STIM1: variants seen among roughly 807,000 people sequenced by gnomAD.
The protein encoded by STIM1 is stromal interaction molecule 1.
Under a neutral mutation model 74.7 loss-of-function variants are expected in STIM1, and 25 were observed. The observed-to-expected ratio is 0.33, with a 90% confidence interval of 0.24 to 0.47. The LOEUF (loss-of-function observed/expected upper bound fraction) is 0.47, where lower values mean the gene tolerates loss of function less well. STIM1 is among the 20% of genes least tolerant of loss of function. STIM1 has a pLI of 1.00. For missense variants in STIM1, 728 were observed against 920.8 expected (o/e 0.79, Z 2.71); for synonymous variants, 328 against 348.8 (o/e 0.94, Z 0.66).
At chr11:3,974,160 G>C in intron 2 of STIM1, 1 of 594,566 alleles carries the variant, frequency 1.7e-6, no homozygotes, top group South Asian at 2.0e-5. Context: ...ACCCTCACTG[G>C]TCATTTCAAA....
intron 2 of STIM1, chr11:3,973,821 T>G (rs1186533343): frequency 2.7e-6 from 1 of 366,360 alleles, no homozygotes; most frequent in Non-Finnish European, 5.1e-6. Flanking sequence ...TCAAACGATC[T>G]TCCTGTCTCA....
In STIM1 at chr11:4,038,556, T is replaced by C. The variant is rs115469095; in HGVS notation, c.385+14569T>C. Among the ~76,000 whole-genome samples, 578 of 152,298 alleles carry C rather than the reference T, an allele frequency of 3.8e-3. 3 individuals are homozygous for C. The highest frequency in any genetic ancestry group is 0.013 in the African/African-American group (543 of 41,564). On this transcript the variant is annotated intron_variant, in intron 3 of 12. Transcript: ENST00000526596. ...TATAACTTCCCTCATTTGTTTCCTA[T>C]CTCTCAAGAGTCATTGTCCTTTGTA...
At chr11:4,074,406 G>T in intron 6 of STIM1, 96 bp from the exon 7 acceptor site, 1 of 1,418,352 alleles carries the variant, frequency 7.1e-7, no homozygotes, top group Non-Finnish European at 9.9e-7. Flanking sequence ...GCTGAGAGTT[G>T]GAGCTGTCAT....
chr11:4,085,403 G>C (rs940902428), intron 11 of STIM1, among the ~76,000 whole-genome samples: 1 of 152,326 alleles, frequency 6.6e-6, no homozygotes, highest in South Asian at 2.1e-4. Context: ...GAGCCCAAAG[G>C]GGGATGCACT....
rs186549118 is a variant in STIM1 at position 3,945,413 on chromosome 11, C to G, written c.140-22139C>G. Among the ~76,000 whole-genome samples the G allele has an allele frequency of 3.8e-3, 578 of 150,694 alleles. 3 individuals carry two copies. Among genetic ancestry groups the G allele is most frequent in the African/African-American group, 0.013 (543 of 40,978 alleles). On this transcript the variant is annotated intron_variant, in intron 1 of 12. Transcript: ENST00000526596. ...CCAACATGGTGAAACACAATCTTTA[C>G]TAAAAATAAAAAAATAAAAAAAAAA...
intron 7 of STIM1, 67 bp downstream of exon 7, chr11:4,074,746 C>T (rs1166943410): frequency 6.6e-7 from 1 of 1,508,814 alleles, no homozygotes; most frequent in African/African-American, 1.4e-5. Context: ...CAGGGTCTGG[C>T]TAGAAAGTTA....
At chr11:4,082,841 G>C in intron 8 of STIM1, 41 bp from the exon 9 acceptor site, 1 of 1,565,620 alleles carries the variant, frequency 6.4e-7, no homozygotes, top group South Asian at 1.1e-5. Flanking sequence ...TTCCATTCTC[G>C]AATCCCTGCT....
intron 2 of STIM1, among the ~76,000 whole-genome samples, chr11:4,022,644 C>G (rs1223183871): frequency 6.6e-6 from 1 of 152,098 alleles, no homozygotes; most frequent in Non-Finnish European, 1.5e-5. Flanking sequence ...TATATTCCTT[C>G]TATACCTAAT....
chr11:4,083,192 G>A, intron 9 of STIM1, 71 bp from the exon 10 acceptor site: 1 of 1,499,250 alleles, frequency 6.7e-7, no homozygotes, highest in Non-Finnish European at 9.3e-7. Context: ...TTGTTCCTCT[G>A]AGAAGAGGCT....
At chr11:3,984,957 G>A (rs1216437528) in intron 2 of STIM1, among the ~76,000 whole-genome samples, 1 of 152,190 alleles carries the variant, frequency 6.6e-6, no homozygotes, top group African/African-American at 2.4e-5. Context: ...GATCTTATAT[G>A]TACTGGTGTA....
rs2094299042 is a variant in STIM1 at position 4,057,484 on chromosome 11, T to C, written c.498-1797T>C. On this transcript the variant is annotated intron_variant, in intron 4 of 12. Coordinates refer to ENST00000526596, the MANE Select transcript of STIM1 (RefSeq NM_001382567.1). ...CTCACATGGTATAATGAGAATAATC[T>C]AGCAGATTTGAGTTCATTCTCTGGC... Among the ~76,000 whole-genome samples the C allele has an allele frequency of 2.6e-5, 4 of 152,182 alleles. No homozygotes were observed. In the South Asian group the frequency reaches 8.3e-4, roughly 31 times the overall value.
intron 3 of STIM1, among the ~76,000 whole-genome samples, chr11:4,052,883 A>T (rs1312276297): frequency 6.6e-6 from 1 of 152,184 alleles, no homozygotes; most frequent in Non-Finnish European, 1.5e-5. Flanking sequence ...AACTCAAACA[A>T]AGTTACAAGA....
rs919372582 is a variant in STIM1 at position 4,045,999 on chromosome 11, C to A, written c.386-9527C>A. 2.7e-5 allele frequency among the ~76,000 whole-genome samples: 4 copies of A among 150,184 alleles called. No homozygotes were observed. The East Asian group carries it at 5.9e-4, about 22-fold the overall frequency. On this transcript the variant is annotated intron_variant, in intron 3 of 12. Coordinates refer to ENST00000526596, the MANE Select transcript of STIM1 (RefSeq NM_001382567.1). ...CCAGGGTGGTCTCGAACTCTCCTGA[C>A]CTCAAAGTGATCCACCCACCTCGGC... is the stretch of plus-strand genomic sequence containing the variant.
chr11:3,968,660 C>T (rs57365434), intron 2 of STIM1, among the ~76,000 whole-genome samples: 6,324 of 152,266 alleles, frequency 0.042, 410 homozygotes, highest in African/African-American at 0.14. Context: ...AAAACAGATA[C>T]AGTCTGTCTT....
intron 1 of STIM1, among the ~76,000 whole-genome samples, chr11:3,870,537 C>T (rs992751673): frequency 1.3e-5 from 2 of 151,952 alleles, no homozygotes; most frequent in Non-Finnish European, 1.5e-5. Flanking sequence ...CATTCTGTCG[C>T]CCACACTGGA....
intron 1 of STIM1, among the ~76,000 whole-genome samples, chr11:3,904,835 A>G (rs2092437154): frequency 6.6e-6 from 1 of 152,192 alleles, no homozygotes; most frequent in Non-Finnish European, 1.5e-5. Context: ...ATGAGAAAAT[A>G]TCTGGTAGTT....
chr11:3,968,212 G>T (rs2093358261), intron 2 of STIM1, among the ~76,000 whole-genome samples: 1 of 152,162 alleles, frequency 6.6e-6, no homozygotes, highest in Non-Finnish European at 1.5e-5. Context: ...AGAGTTAAAG[G>T]AGTCTCTAAA....
rs768152391 is a variant in STIM1 at position 4,055,494 on chromosome 11, A to C, written c.386-32A>C. The C allele has an allele frequency of 7.2e-6, 11 of 1,518,554 alleles. No individual in the cohort carries two copies. In the African/African-American group the frequency reaches 1.5e-4, roughly 21 times the overall value. The allele number at this position is 1,518,554 out of a possible 1,614,324, so 94.1% of individuals were successfully genotyped here. On this transcript the variant is annotated intron_variant, in intron 3 of 12. Coordinates refer to ENST00000526596, the MANE Select transcript of STIM1 (RefSeq NM_001382567.1). ...AAATGAAAGCAGTGCTTGGCATTCT[A>C]GAGTCATGGCTTTGCTTGTCTCTTT...
At chr11:4,018,638 T>G (rs2093926027) in intron 2 of STIM1, among the ~76,000 whole-genome samples, 1 of 135,708 alleles carries the variant, frequency 7.4e-6, no homozygotes, top group Non-Finnish European at 1.5e-5. Context: ...AGAATGAAAC[T>G]CTGTCTCAAA....
Sources: allele counts gnomAD v4.1 joint callset (sites outside exome capture counted in the v4.1 genomes callset), GRCh38; gene constraint gnomAD v4.1.1; transcripts MANE v1.5; gene names NCBI Gene and HGNC (gene_info 2026-07-23, HGNC 2026-07-21).